TSEN2: variants seen among roughly 807,000 people sequenced by gnomAD.
The protein encoded by TSEN2 is tRNA splicing endonuclease subunit 2.
Under a neutral mutation model 59.2 loss-of-function variants are expected in TSEN2, and 54 were observed. That is an observed-to-expected ratio of 0.91 (90% CI 0.73 to 1.14). TSEN2 has a LOEUF of 1.14. TSEN2 is among the 50% of genes most tolerant of loss of function. TSEN2 has a pLI of 0.00. For missense variants in TSEN2, 636 were observed against 576.2 expected (o/e 1.10, Z -1.06); for synonymous variants, 195 against 198.2 (o/e 0.98, Z 0.14).
intron 8 of TSEN2, among the ~76,000 whole-genome samples, chr3:12,519,417 T>G (rs73142733): frequency 1.9e-3 from 289 of 152,282 alleles, no homozygotes; most frequent in African/African-American, 6.5e-3. Context: ...GCAACGCCAG[T>G]TCAGGCTTTC....
At chr3:12,502,562 A>G (rs2054382088) in intron 4 of TSEN2, among the ~76,000 whole-genome samples, 1 of 152,052 alleles carries the variant, frequency 6.6e-6, no homozygotes, top group African/African-American at 2.4e-5. Flanking sequence ...AATACAAAAA[A>G]AAAATCTTGA....
chr3:12,505,891 G>A lies in TSEN2; in HGVS notation c.909+660G>A, dbSNP rs767619924. On this transcript the variant is annotated intron_variant, in intron 6 of 11. Coordinates refer to ENST00000284995, the MANE Select transcript of TSEN2 (RefSeq NM_025265.4). ...GACGTGGGAGGATTGCTTGAGCCCAGGAGGTCACGTCTGCAGTGAGCCACG... is the reference window on the plus strand; with the variant it reads ...GACGTGGGAGGATTGCTTGAGCCCAAGAGGTCACGTCTGCAGTGAGCCACG... Among the ~76,000 whole-genome samples the A allele has an allele frequency of 6.6e-4, 101 of 152,104 alleles. No individual in the cohort carries two copies. In the Middle Eastern group the frequency reaches 0.017, roughly 26 times the overall value.
chr3:12,503,764 G>A lies in TSEN2; in HGVS notation c.811G>A (p.Glu271Lys), dbSNP rs141210815. 12 of 1,613,948 alleles carry A rather than the reference G, an allele frequency of 7.4e-6. No individual in the cohort carries two copies. The African/African-American group carries it at 1.3e-4, about 18-fold the overall frequency. The change falls in exon 5 of 12, where the codon GAG (glutamate) becomes AAG (lysine). Residue 271 changes from glutamate (E) to lysine (K), a missense_variant. Transcript: ENST00000284995. Reference sequence around the variant, plus strand: ...AGCGGAGTGTGCCATGAGCGAGAGGGAGGCTGCCCCAAATGAGGAAGTAAG... The same window carrying A: ...AGCGGAGTGTGCCATGAGCGAGAGGAAGGCTGCCCCAAATGAGGAAGTAAG... ...EEAECAMSER[E>K]AAPNEELVQR...
At chr3:12,528,416 G>A (rs1431226667) in intron 8 of TSEN2, among the ~76,000 whole-genome samples, 1 of 152,162 alleles carries the variant, frequency 6.6e-6, no homozygotes, top group Non-Finnish European at 1.5e-5. Flanking sequence ...AAAATAGTTT[G>A]GATTTTAAAA....
intron 6 of TSEN2, among the ~76,000 whole-genome samples, chr3:12,513,682 A>G (rs1324009720): frequency 6.6e-6 from 1 of 152,224 alleles, no homozygotes. Flanking sequence ...TTGTGGTAAA[A>G]TGCAAGGGAC....
At chr3:12,536,276 A>T (rs560473725), downstream of TSEN2, among the ~76,000 whole-genome samples, 54 of 152,268 alleles carry the variant, frequency 3.5e-4, 2 homozygotes, top group South Asian at 0.011. Flanking sequence ...TTTGTTTTTT[A>T]GTAATGGTAG....
chr3:12,532,811 A>G lies in TSEN2; in HGVS notation c.*90A>G, dbSNP rs1337532509. Reference sequence around the variant, plus strand: ...TTTTGTTGTAATCGTCCATTAATTCATAAGTTTTAAAGGGCATGGTGCTCC... The same window carrying G: ...TTTTGTTGTAATCGTCCATTAATTCGTAAGTTTTAAAGGGCATGGTGCTCC... On this transcript the variant is annotated 3_prime_UTR_variant, in exon 12 of 12. Transcript: ENST00000284995. The G allele has an allele frequency of 6.9e-6, 9 of 1,303,882 alleles. No individual in the cohort carries two copies. Among genetic ancestry groups the G allele is most frequent in the Non-Finnish European group, 8.8e-6 (8 of 906,152 alleles). The allele number at this position is 1,303,882 out of a possible 1,614,324, so 80.8% of individuals were successfully genotyped here.
In TSEN2 at chr3:12,503,377, A is replaced by C. The variant is rs2054495238; in HGVS notation, c.424A>C (p.Lys142Gln). 4 of 1,614,230 alleles carry C rather than the reference A, an allele frequency of 2.5e-6. No homozygotes were observed. In the East Asian group the frequency reaches 6.7e-5, roughly 27 times the overall value. Residue 142 changes from lysine (K) to glutamine (Q), a missense_variant, in exon 5 of 12, where the codon AAA becomes CAA. Coordinates refer to ENST00000284995, the MANE Select transcript of TSEN2 (RefSeq NM_025265.4). ...GAAACCGCTTGAGCATCCTCCTGTG[A>C]AAAGGAATGAAGAGGCTCAAGTGCA... is the stretch of plus-strand genomic sequence containing the variant. ...YTKPLEHPPV[K>Q]RNEEAQVHDK...
Position 12,503,304 on chromosome 3 carries a change from A to G in TSEN2, c.351A>G (p.Arg117=), listed in dbSNP as rs1191534817. The G allele has an allele frequency of 1.9e-6, 3 of 1,614,100 alleles. No individual in the cohort carries two copies. Among genetic ancestry groups the G allele is most frequent in the Middle Eastern group, 1.6e-4 (1 of 6,080 alleles). ...SVEWAAELMR[R]QGQDESTVRR... ...AGTGGGCAGCAGAGCTGATGCGTAG[A>G]CAGGGGCAGGATGAGAGTACAGTGC... Residue 117 remains arginine, a synonymous_variant, in exon 5 of 12, where the codon AGA becomes AGG. Coordinates refer to ENST00000284995, the MANE Select transcript of TSEN2 (RefSeq NM_025265.4).
chr3:12,486,516 G>A (rs976373915), intron 1 of TSEN2, among the ~76,000 whole-genome samples: 2 of 152,120 alleles, frequency 1.3e-5, no homozygotes, highest in South Asian at 2.1e-4. Context: ...CATGGCCTGG[G>A]GAATGTCTTT....
At chr3:12,536,713 G>C (rs779161802), downstream of TSEN2, among the ~76,000 whole-genome samples, 37 of 152,090 alleles carry the variant, frequency 2.4e-4, no homozygotes, top group Non-Finnish European at 4.3e-4. Context: ...ATTTATAAGA[G>C]GAGGGGGCCA....
chr3:12,516,462 G>A lies in TSEN2; in HGVS notation c.910-149G>A, dbSNP rs541965165. ...ACAAAATATATGTGTGTGTGTGTGT[G>A]TGTGTGTGTGTGTGTGTGTGTGTGT... On this transcript the variant is annotated intron_variant, in intron 6 of 11. Coordinates refer to ENST00000284995, the MANE Select transcript of TSEN2 (RefSeq NM_025265.4). The A allele has an allele frequency of 4.6e-4, 301 of 659,934 alleles. 13 individuals are homozygous for A. Among genetic ancestry groups the A allele is most frequent in the South Asian group, 1.1e-3 (66 of 60,674 alleles). The allele number at this position is 659,934 out of a possible 1,614,324, so 40.9% of individuals were successfully genotyped here.
At chr3:12,498,936 AT>A (rs2054019273) in intron 4 of TSEN2, among the ~76,000 whole-genome samples, 1 of 152,102 alleles carries the variant, frequency 6.6e-6, no homozygotes, top group South Asian at 2.1e-4. Flanking sequence ...AGTTGTTCGT[AT>A]TTTTTGTAGA....
intron 4 of TSEN2, among the ~76,000 whole-genome samples, chr3:12,498,069 T>C (rs1221379182): frequency 6.6e-6 from 1 of 150,626 alleles, no homozygotes; most frequent in African/African-American, 2.5e-5. Context: ...CAAATTTTCC[T>C]CTTTTTTTTT....
intron 6 of TSEN2, among the ~76,000 whole-genome samples, chr3:12,508,064 AG>A (rs1182801175): frequency 6.6e-6 from 1 of 152,102 alleles, no homozygotes; most frequent in Non-Finnish European, 1.5e-5. Context: ...GGGATTCCGT[AG>A]GGGAGTGGCA....
chr3:12,495,150 T>TAAAAA (rs2053623579), intron 3 of TSEN2, among the ~76,000 whole-genome samples: 1 of 111,560 alleles, frequency 9.0e-6, no homozygotes, highest in African/African-American at 3.7e-5. Flanking sequence ...AAAAAAAAAG[T>TAAAAA]TAAATTTTTA....
chr3:12,518,766 C>T (rs1049577314), intron 7 of TSEN2, among the ~76,000 whole-genome samples: 2 of 150,666 alleles, frequency 1.3e-5, no homozygotes, highest in African/African-American at 2.4e-5. Flanking sequence ...GAGCCACTCT[C>T]AGTTCAGACT....
intron 4 of TSEN2, among the ~76,000 whole-genome samples, chr3:12,500,101 C>A (rs1212895816): frequency 6.6e-6 from 1 of 152,218 alleles, no homozygotes; most frequent in Non-Finnish European, 1.5e-5. Context: ...CCTGTCACTG[C>A]TTCCAGTCGT....
At position 12,516,439 on chromosome 3, in the gene TSEN2, AAAATATATG is replaced by A. The variant is rs369155945; in HGVS notation, c.910-171_910-163del. ...GACTCCGTTTCAAAAACAAACAAAC[AAAATATATG>A]TGTGTGTGTGTGTGTGTGTGTGTGT... On this transcript the variant is annotated intron_variant, in intron 6 of 11. Coordinates refer to ENST00000284995, the MANE Select transcript of TSEN2 (RefSeq NM_025265.4). Among the ~76,000 whole-genome samples the A allele has an allele frequency of 0.15, 11,170 of 73,724 alleles. 518 individuals are homozygous for A. Among genetic ancestry groups the A allele is most frequent in the Admixed American group, 0.2 (1,453 of 7,416 alleles). The allele number at this position is 73,724 out of a possible 152,430, so 48.4% of individuals were successfully genotyped here.
Sources: allele counts gnomAD v4.1 joint callset (sites outside exome capture counted in the v4.1 genomes callset), GRCh38; gene constraint gnomAD v4.1.1; transcripts MANE v1.5; gene names NCBI Gene and HGNC (gene_info 2026-07-23, HGNC 2026-07-21).